The following SLC44A5 variants were observed in gnomAD, a reference collection of about 807,000 sequenced individuals.
SLC44A5 encodes the protein solute carrier family 44 member 5, also known as choline transporter-like protein 5.
A neutral mutation model predicts 101.8 loss-of-function variants in SLC44A5; 57 were observed. The observed-to-expected ratio is 0.56, with a 90% confidence interval of 0.45 to 0.70. SLC44A5 has a LOEUF of 0.70. Ranked by LOEUF, SLC44A5 falls within the 30% of genes least tolerant of loss-of-function variation. The pLI is 0.00. For missense variants in SLC44A5, 737 were observed against 853.1 expected (o/e 0.86, Z 1.70); for synonymous variants, 281 against 290.9 (o/e 0.97, Z 0.35).
chr1:75,244,946 C>T (rs1020262458), intron 7 of SLC44A5, among the ~76,000 whole-genome samples: 1 of 152,044 alleles, frequency 6.6e-6, no homozygotes, highest in Non-Finnish European at 1.5e-5. Flanking sequence ...TTCTCATTGG[C>T]CAAATTGTAG....
intron 5 of SLC44A5, among the ~76,000 whole-genome samples, chr1:75,283,016 A>C (rs1652735487): frequency 6.6e-6 from 1 of 152,180 alleles, no homozygotes; most frequent in South Asian, 2.1e-4. Flanking sequence ...CTCTGGGTAG[A>C]TACCCAGTAG....
chr1:75,575,508 C>T (rs1466302653), intron 1 of SLC44A5, among the ~76,000 whole-genome samples: 1 of 152,150 alleles, frequency 6.6e-6, no homozygotes. Flanking sequence ...ATTTCTAAGG[C>T]TGTCATACCA....
At chr1:75,355,463 A>T (rs1368777855) in intron 3 of SLC44A5, among the ~76,000 whole-genome samples, 4 of 152,226 alleles carry the variant, frequency 2.6e-5, no homozygotes, top group Admixed American at 6.5e-5. Context: ...GTCAAATGAG[A>T]TCATGATGTG....
chr1:75,260,547 A>C (rs568551615), intron 6 of SLC44A5, among the ~76,000 whole-genome samples: 3 of 152,224 alleles, frequency 2.0e-5, no homozygotes, highest in Admixed American at 6.5e-5. Flanking sequence ...ACCTACAAAG[A>C]GGCTTAGACT....
chr1:75,537,469 C>A (rs1384375550), intron 2 of SLC44A5, among the ~76,000 whole-genome samples: 1 of 152,124 alleles, frequency 6.6e-6, no homozygotes, highest in Non-Finnish European at 1.5e-5. Context: ...GCAAATATAT[C>A]ATTCTGTTCA....
chr1:75,352,123 A>AGG lies in SLC44A5; in HGVS notation c.53-12495_53-12494dup, dbSNP rs1324910471. Among the ~76,000 whole-genome samples, 5 of 152,254 alleles carry AGG rather than the reference A, an allele frequency of 3.3e-5. No individual in the cohort carries two copies. The East Asian group carries it at 9.7e-4, about 29-fold the overall frequency. ...ACCCCATAAGTTATCTACCTAAGGA[A>AGG]GGAAAAAACAAAGATAAATTCTGTG... On this transcript the variant is annotated intron_variant, in intron 3 of 23. Coordinates refer to ENST00000370859, the MANE Select transcript of SLC44A5 (RefSeq NM_001130058.2).
In SLC44A5 at chr1:75,542,741, G is replaced by A. The variant is rs1174826619; in HGVS notation, c.-69-1225C>T. Among the ~76,000 whole-genome samples the A allele has an allele frequency of 2.0e-5, 3 of 151,992 alleles. No homozygotes were observed. In the East Asian group the frequency reaches 5.8e-4, roughly 29 times the overall value. ...CTTACATATTTAAGATTAAGCTTTTGACTCAAAGATTACAAAGTGTTTTAT... is the reference window on the plus strand; with the variant it reads ...CTTACATATTTAAGATTAAGCTTTTAACTCAAAGATTACAAAGTGTTTTAT... On this transcript the variant is annotated intron_variant, in intron 1 of 23. Coordinates refer to ENST00000370859, the MANE Select transcript of SLC44A5 (RefSeq NM_001130058.2).
At chr1:75,639,833 T>C in the SLC44A5 span, among the ~76,000 whole-genome samples, 2 of 152,078 alleles carry the variant, frequency 1.3e-5, no homozygotes, top group African/African-American at 2.4e-5. Flanking sequence ...TATCTCCTGA[T>C]ATCTCTTAAC....
chr1:75,387,300 C>G (rs1389955455), intron 3 of SLC44A5, among the ~76,000 whole-genome samples: 1 of 148,576 alleles, frequency 6.7e-6, no homozygotes, highest in South Asian at 2.2e-4. Context: ...AAAATTTTCG[C>G]AACCTACTCA....
chr1:75,280,606 T>C (rs1652454784), intron 5 of SLC44A5, among the ~76,000 whole-genome samples: 1 of 149,534 alleles, frequency 6.7e-6, no homozygotes, highest in African/African-American at 2.5e-5. Flanking sequence ...AAATCTCATC[T>C]TGAATTGTTA....
chr1:75,462,150 T>C (rs1666536844), intron 2 of SLC44A5, among the ~76,000 whole-genome samples: 1 of 152,206 alleles, frequency 6.6e-6, no homozygotes, highest in Non-Finnish European at 1.5e-5. Context: ...AGGGTGCTTA[T>C]GTCACTCCAC....
At chr1:75,434,775 G>A (rs1664795959) in intron 2 of SLC44A5, among the ~76,000 whole-genome samples, 1 of 152,016 alleles carries the variant, frequency 6.6e-6, no homozygotes, top group Admixed American at 6.6e-5. Context: ...ATGGTTTGGT[G>A]TGCCTGTTTT....
intron 2 of SLC44A5, among the ~76,000 whole-genome samples, chr1:75,400,386 A>G (rs1420003624): frequency 6.6e-6 from 1 of 152,204 alleles, no homozygotes; most frequent in Non-Finnish European, 1.5e-5. Flanking sequence ...TTAATTAAAA[A>G]TAGTTACTTT....
chr1:75,494,581 T>C (rs1458870816), intron 2 of SLC44A5, among the ~76,000 whole-genome samples: 2 of 152,124 alleles, frequency 1.3e-5, no homozygotes, highest in African/African-American at 2.4e-5. Context: ...AGCCTCCAAC[T>C]TCTCCCTAGG....
At chr1:75,393,276 G>C (rs191224515) in intron 3 of SLC44A5, among the ~76,000 whole-genome samples, 183 of 152,258 alleles carry the variant, frequency 1.2e-3, no homozygotes, top group South Asian at 2.9e-3. Flanking sequence ...AACTTTCTTT[G>C]ATTTGGCTAA....
chr1:75,291,961 G>A (rs1231691023), intron 5 of SLC44A5, among the ~76,000 whole-genome samples: 3 of 149,666 alleles, frequency 2.0e-5, no homozygotes, highest in African/African-American at 4.9e-5. Context: ...GCAGTGAGCC[G>A]AGATCGCGCC....
intron 13 of SLC44A5, among the ~76,000 whole-genome samples, chr1:75,226,889 T>C (rs1282641471): frequency 2.6e-5 from 4 of 152,132 alleles, no homozygotes; most frequent in Non-Finnish European, 4.4e-5. Context: ...TAAATAAATA[T>C]TTACATTTGT....
chr1:75,211,949 CAGA>C (rs576220529), intron 22 of SLC44A5, among the ~76,000 whole-genome samples: 1 of 147,238 alleles, frequency 6.8e-6, no homozygotes, highest in Non-Finnish European at 1.5e-5. Context: ...CTTAATAAAA[CAGA>C]AGTTTATTTC....
At chr1:75,523,359 C>G (rs1316587261) in intron 2 of SLC44A5, among the ~76,000 whole-genome samples, 1 of 152,166 alleles carries the variant, frequency 6.6e-6, no homozygotes, top group Non-Finnish European at 1.5e-5. Context: ...ATCCCCCAGG[C>G]TGGAGTGCAG....
Sources: allele counts gnomAD v4.1 joint callset (sites outside exome capture counted in the v4.1 genomes callset), GRCh38; gene constraint gnomAD v4.1.1; transcripts MANE v1.5; gene names NCBI Gene and HGNC (gene_info 2026-07-23, HGNC 2026-07-21).